The following EYS variants were observed in gnomAD, a reference collection of about 807,000 sequenced individuals.
The protein encoded by EYS is EGF-like photoreceptor maintenance factor, also known as protein eyes shut homolog.
In EYS, 250 loss-of-function variants were observed where a neutral mutation model predicts 282.1. The observed-to-expected ratio is 0.89, with a 90% CI of 0.80 to 0.98. EYS has a LOEUF of 0.98. EYS is among the 50% of genes least tolerant of loss of function. The pLI is 0.00. For missense variants in EYS, 4,016 were observed against 3,709.0 expected, an observed-to-expected ratio of 1.08 and a Z score of -2.15; for synonymous variants, 1,355 against 1,282.9, an observed-to-expected ratio of 1.06 and a Z score of -1.20.
intron 26 of EYS, among the ~76,000 whole-genome samples, chr6:64,515,515 G>T (rs936524141): frequency 1.3e-5 from 2 of 150,876 alleles, no homozygotes; most frequent in Non-Finnish European, 3.0e-5. Flanking sequence ...TAGTCATTTT[G>T]GTATTTTCAA....
intron 19 of EYS, among the ~76,000 whole-genome samples, chr6:64,845,261 T>C (rs1369048333): frequency 6.6e-6 from 1 of 151,976 alleles, no homozygotes; most frequent in Non-Finnish European, 1.5e-5. Context: ...ACTACACTCC[T>C]GCCTGGGTGA....
chr6:65,042,569 C>T (rs1772971411), intron 13 of EYS, among the ~76,000 whole-genome samples: 1 of 151,308 alleles, frequency 6.6e-6, no homozygotes. Flanking sequence ...TGCACTACTA[C>T]ACATATAAGA....
intron 28 of EYS, among the ~76,000 whole-genome samples, chr6:64,421,533 G>A (rs773329781): frequency 2.6e-5 from 4 of 151,916 alleles, no homozygotes; most frequent in Non-Finnish European, 5.9e-5. Context: ...TCATATCTAG[G>A]GAATTTTTTT....
chr6:64,023,956 C>T (rs1335599688), intron 33 of EYS, among the ~76,000 whole-genome samples: 1 of 152,222 alleles, frequency 6.6e-6, no homozygotes, highest in Non-Finnish European at 1.5e-5. Flanking sequence ...CTCACCGGGC[C>T]TTGGCTGCCT....
chr6:65,636,115 CT>C (rs1488748971), intron 2 of EYS, among the ~76,000 whole-genome samples: 1 of 152,202 alleles, frequency 6.6e-6, no homozygotes, highest in African/African-American at 2.4e-5. Flanking sequence ...TCCTTCTACT[CT>C]TGTCTTATTT....
intron 31 of EYS, among the ~76,000 whole-genome samples, chr6:64,114,397 A>G (rs142394057): frequency 6.6e-6 from 1 of 152,314 alleles, no homozygotes; most frequent in Non-Finnish European, 1.5e-5. Flanking sequence ...GGTAGAGTAG[A>G]AGACTCCAGG....
intron 30 of EYS, among the ~76,000 whole-genome samples, chr6:64,269,236 T>C (rs1767862604): frequency 6.6e-6 from 1 of 152,156 alleles, no homozygotes; most frequent in South Asian, 2.1e-4. Flanking sequence ...TTTGCCCATC[T>C]AAGATGGAAT....
intron 35 of EYS, among the ~76,000 whole-genome samples, chr6:63,879,595 A>G (rs1459883472): frequency 6.6e-6 from 1 of 152,200 alleles, no homozygotes; most frequent in African/African-American, 2.4e-5. Context: ...AAATGCATAT[A>G]TACTCTTTCT....
chr6:64,238,818 A>G (rs1237851950), intron 30 of EYS, among the ~76,000 whole-genome samples: 1 of 152,162 alleles, frequency 6.6e-6, no homozygotes, highest in Non-Finnish European at 1.5e-5. Context: ...TTTGTTACAT[A>G]GGTATATACG....
At chr6:63,976,953 T>C (rs1766863958) in intron 35 of EYS, among the ~76,000 whole-genome samples, 1 of 151,946 alleles carries the variant, frequency 6.6e-6, no homozygotes, top group African/African-American at 2.4e-5. Flanking sequence ...CAAATTACAT[T>C]AATATTTGGA....
chr6:65,282,628 A>G (rs1768255532), intron 12 of EYS, among the ~76,000 whole-genome samples: 1 of 152,008 alleles, frequency 6.6e-6, no homozygotes, highest in Admixed American at 6.6e-5. Context: ...CACTGTAAAC[A>G]TTCCATACTT....
intron 11 of EYS, among the ~76,000 whole-genome samples, chr6:65,316,170 T>C (rs1769290314): frequency 6.6e-6 from 1 of 152,194 alleles, no homozygotes; most frequent in Non-Finnish European, 1.5e-5. Flanking sequence ...GTGTTGCAAA[T>C]ATCTTTTCTC....
intron 31 of EYS, among the ~76,000 whole-genome samples, chr6:64,199,590 A>G (rs1179120707): frequency 6.6e-6 from 1 of 152,220 alleles, no homozygotes; most frequent in African/African-American, 2.4e-5. Flanking sequence ...ATCTAATTAA[A>G]CTAGAGAGCT....
At chr6:64,546,054 G>A (rs543530103) in intron 26 of EYS, among the ~76,000 whole-genome samples, 8 of 152,184 alleles carry the variant, frequency 5.3e-5, no homozygotes, top group East Asian at 1.9e-4. Flanking sequence ...AAATGAGCCC[G>A]CATTGCCAAG....
At chr6:65,462,444 C>G (rs2150410518) in intron 5 of EYS, among the ~76,000 whole-genome samples, 1 of 152,090 alleles carries the variant, frequency 6.6e-6, no homozygotes, top group East Asian at 1.9e-4. Context: ...CACACAGAAT[C>G]AATTTTGGGT....
chr6:64,845,117 G>A (rs1562222089), intron 19 of EYS, among the ~76,000 whole-genome samples: 1 of 151,884 alleles, frequency 6.6e-6, no homozygotes, highest in Admixed American at 6.6e-5. Flanking sequence ...AGTAAGACCT[G>A]GTCCCTATAA....
rs571624567 is a variant in EYS, at chr6:64,756,955, G to C, written c.3443+56423C>G. On this transcript the variant is annotated intron_variant, in intron 22 of 42. Transcript: ENST00000503581. Reference sequence around the variant, plus strand: ...TCTAGGGAGAAAGAAAATTTTAATAGAGTCACTTTGGCCTTAGGCTCATTT... The same window carrying C: ...TCTAGGGAGAAAGAAAATTTTAATACAGTCACTTTGGCCTTAGGCTCATTT... Among the ~76,000 whole-genome samples, 5 of 150,372 alleles carry C rather than the reference G, an allele frequency of 3.3e-5. No individual in the cohort carries two copies. The East Asian group carries it at 9.8e-4, about 30-fold the overall frequency.
At chr6:64,838,122 A>C (rs1196454223) in intron 19 of EYS, among the ~76,000 whole-genome samples, 5 of 151,840 alleles carry the variant, frequency 3.3e-5, no homozygotes, top group African/African-American at 1.2e-4. Flanking sequence ...AAACACATTG[A>C]TGTATTATTG....
chr6:64,227,689 G>T (rs1235850298), intron 31 of EYS, among the ~76,000 whole-genome samples: 1 of 151,990 alleles, frequency 6.6e-6, no homozygotes, highest in Non-Finnish European at 1.5e-5. Context: ...TGGTAAATCA[G>T]GACTCTTCAC....
Sources: allele counts gnomAD v4.1 joint callset (sites outside exome capture counted in the v4.1 genomes callset), GRCh38; gene constraint gnomAD v4.1.1; transcripts MANE v1.5; gene names NCBI Gene and HGNC (gene_info 2026-07-23, HGNC 2026-07-21).